Variants in UNC13B observed in about 807,000 individuals in gnomAD.
UNC13B encodes the protein unc-13 homolog B, also known as protein unc-13 homolog B.
A neutral mutation model predicts 211.0 loss-of-function variants in UNC13B; 144 were observed. The ratio of observed to expected loss-of-function variants is 0.68; its 90% CI spans 0.60 to 0.78. The LOEUF (loss-of-function observed/expected upper bound fraction) is 0.78. Among genes scored for constraint, UNC13B ranks in the 30% least tolerant of loss-of-function variants. The pLI, the probability that UNC13B is intolerant of heterozygous loss-of-function variation, is 0.00. For missense variants in UNC13B, 1,777 were observed against 2,002.0 expected (o/e 0.89, Z 2.14); for synonymous variants, 709 against 725.8 (o/e 0.98, Z 0.37).
chr9:35,374,995 TGTGA>T (rs1834303947), intron 13 of UNC13B, 128 bp from the exon 14 acceptor site: 1 of 908,660 alleles, frequency 1.1e-6, no homozygotes. Flanking sequence ...GGGCGGTTGC[TGTGA>T]GTGACAATAA....
chr9:35,284,594 G>A (rs891431837), intron 7 of UNC13B, among the ~76,000 whole-genome samples: 6 of 152,092 alleles, frequency 3.9e-5, no homozygotes, highest in African/African-American at 7.2e-5. Context: ...CACAAGTAAC[G>A]TTGGTGAATA....
chr9:35,255,722 G>A (rs957441019), intron 6 of UNC13B, among the ~76,000 whole-genome samples: 4 of 152,024 alleles, frequency 2.6e-5, no homozygotes, highest in East Asian at 3.9e-4. Context: ...TCTCAAGCAC[G>A]GATCTTAGGT....
At chr9:35,212,720 T>C (rs1824038567) in intron 1 of UNC13B, among the ~76,000 whole-genome samples, 1 of 152,256 alleles carries the variant, frequency 6.6e-6, no homozygotes, top group African/African-American at 2.4e-5. Context: ...AAGGATATAA[T>C]TTAGCTCCCA....
At chr9:35,351,206 T>A (rs1196240843) in intron 11 of UNC13B, 15 of 805,964 alleles carry the variant, frequency 1.9e-5, no homozygotes, top group Non-Finnish European at 2.3e-5. Flanking sequence ...TAGGAGATAA[T>A]GTTTTTATTC....
chr9:35,343,580 C>T (rs1310490438), intron 11 of UNC13B, among the ~76,000 whole-genome samples: 3 of 152,126 alleles, frequency 2.0e-5, no homozygotes, highest in African/African-American at 7.2e-5. Context: ...TTGAACCTCA[C>T]ACAAAATGGA....
intron 8 of UNC13B, among the ~76,000 whole-genome samples, chr9:35,297,614 A>C (rs7046964): frequency 7.6e-6 from 1 of 131,630 alleles, no homozygotes; most frequent in African/African-American, 3.0e-5. Context: ...CAGTGGCGCT[A>C]TCTCGGCTCA....
At chr9:35,204,073 G>A (rs1229488061) in intron 1 of UNC13B, among the ~76,000 whole-genome samples, 4 of 152,236 alleles carry the variant, frequency 2.6e-5, no homozygotes, top group African/African-American at 9.6e-5. Flanking sequence ...GTGCATCCTG[G>A]CATCTCTAGC....
intron 7 of UNC13B, among the ~76,000 whole-genome samples, chr9:35,290,291 T>G (rs7032544): frequency 0.64 from 96,790 of 151,390 alleles, 31,424 homozygotes; most frequent in Middle Eastern, 0.75. Flanking sequence ...TTAAGCCCCT[T>G]TCTGATCTAG....
rs141016510 is a variant in UNC13B, at chr9:35,273,894, T to G, written c.526+14844T>G. 2.2e-3 allele frequency among the ~76,000 whole-genome samples: 339 copies of G among 152,322 alleles called. 4 individuals carry two copies. The East Asian group carries it at 0.047, about 21-fold the overall frequency. ...GAACAGGAAATGTTGTCCACTCGTT[T>G]TTGGTCCAGGATACCTTTCTTTTAT... On this transcript the variant is annotated intron_variant, in intron 7 of 39. Transcript: ENST00000635942.
intron 11 of UNC13B, among the ~76,000 whole-genome samples, chr9:35,318,009 A>C (rs551116281): frequency 6.6e-6 from 1 of 152,290 alleles, no homozygotes; most frequent in Non-Finnish European, 1.5e-5. Flanking sequence ...ATAAGAATAT[A>C]TTGGAGAAGA....
rs1836015252 is a variant in UNC13B, at chr9:35,398,201, G to A, written c.11755-10G>A. 1.2e-6 allele frequency: 2 copies of A among 1,612,200 alleles called. No homozygotes were observed. The highest frequency in any genetic ancestry group is 8.5e-7 in the Non-Finnish European group (1 of 1,178,882). ...GAGCCAAGACTCAACAGCTACATCT[G>A]TCCCCAAAGCCCTGCATCCTGATGA... is the stretch of plus-strand genomic sequence containing the variant. On this transcript the variant is annotated splice_polypyrimidine_tract_variant and intron_variant, in intron 30 of 39. Transcript: ENST00000635942.
At chr9:35,216,260 A>G (rs1171134205) in intron 1 of UNC13B, among the ~76,000 whole-genome samples, 6 of 152,188 alleles carry the variant, frequency 3.9e-5, no homozygotes, top group Admixed American at 2.6e-4. Flanking sequence ...TCTTTTCTGG[A>G]CCAGGATGGA....
At chr9:35,178,444 C>T (rs1050716596) in intron 1 of UNC13B, among the ~76,000 whole-genome samples, 1 of 151,790 alleles carries the variant, frequency 6.6e-6, no homozygotes, top group Non-Finnish European at 1.5e-5. Context: ...TTGCAGTGAG[C>T]TGAGATCCGC....
chr9:35,385,877 A>G, intron 23 of UNC13B, 64 bp downstream of exon 23: 1 of 1,561,584 alleles, frequency 6.4e-7, no homozygotes, highest in South Asian at 1.2e-5. Context: ...AACGTGAAGA[A>G]TGAGAATCAT....
intron 5 of UNC13B, among the ~76,000 whole-genome samples, chr9:35,239,900 CT>C (rs767342096): frequency 6.6e-6 from 1 of 152,178 alleles, no homozygotes; most frequent in Non-Finnish European, 1.5e-5. Context: ...TTATCCTGTT[CT>C]TTTTTCAAGG....
chr9:35,335,885 T>C (rs1831627073), intron 11 of UNC13B, among the ~76,000 whole-genome samples: 1 of 152,074 alleles, frequency 6.6e-6, no homozygotes, highest in African/African-American at 2.4e-5. Flanking sequence ...TAAATTTTTC[T>C]TGTAGAGATG....
At chr9:35,172,098 C>G (rs1016438007) in intron 1 of UNC13B, among the ~76,000 whole-genome samples, 9 of 151,366 alleles carry the variant, frequency 5.9e-5, no homozygotes, top group African/African-American at 2.2e-4. Context: ...AGGTCTCAAA[C>G]TCCTGGGCTC....
chr9:35,199,961 T>C (rs1053986999), intron 1 of UNC13B, among the ~76,000 whole-genome samples: 3 of 152,230 alleles, frequency 2.0e-5, no homozygotes, highest in African/African-American at 7.2e-5. Context: ...TTCTAGGGTT[T>C]TTATGATTTT....
intron 1 of UNC13B, among the ~76,000 whole-genome samples, chr9:35,211,672 A>G (rs1462003511): frequency 6.6e-6 from 1 of 152,160 alleles, no homozygotes; most frequent in Admixed American, 6.5e-5. Context: ...GCCCTCCCTA[A>G]AGACTGTTCC....
Sources: gnomAD v4.1 joint callset for allele counts (sites outside exome capture counted in the v4.1 genomes callset) on GRCh38, gnomAD v4.1.1 for gene constraint, MANE v1.5 for transcripts, NCBI Gene and HGNC (gene_info 2026-07-23, HGNC 2026-07-21) for gene names.